The following SIPA1L3 variants were observed in gnomAD, a reference collection of about 807,000 sequenced individuals.
SIPA1L3 encodes the protein signal-induced proliferation-associated 1-like protein 3.
SIPA1L3 carries 59 observed loss-of-function variants against 150.1 expected under a neutral mutation model. That is an observed-to-expected ratio of 0.39 (90% confidence interval 0.32 to 0.49). The LOEUF (loss-of-function observed/expected upper bound fraction) is 0.49, where lower values mean the gene tolerates loss of function less well. SIPA1L3 is among the 20% of genes least tolerant of loss of function. The pLI, the probability that SIPA1L3 is intolerant of heterozygous loss-of-function variation, is 0.86. For missense variants in SIPA1L3, 2,211 were observed against 2,489.5 expected, an observed-to-expected ratio of 0.89 and a Z score of 2.38; for synonymous variants, 1,070 against 1,077.6, an observed-to-expected ratio of 0.99 and a Z score of 0.14.
chr19:37,992,349 A>G (rs1967528962), intron 1 of SIPA1L3, among the ~76,000 whole-genome samples: 1 of 152,214 alleles, frequency 6.6e-6, no homozygotes, highest in South Asian at 2.1e-4. Context: ...GAGGAACTGC[A>G]CAGATAATAT....
intron 16 of SIPA1L3, chr19:38,183,030 T>C (rs1972594571): frequency 2.8e-6 from 1 of 358,708 alleles, no homozygotes; most frequent in Admixed American, 4.7e-5. Flanking sequence ...GGAGAAGGCA[T>C]AGCAGCTGCA....
intron 1 of SIPA1L3, among the ~76,000 whole-genome samples, chr19:37,952,127 A>G (rs1485142015): frequency 6.6e-6 from 1 of 152,100 alleles, no homozygotes; most frequent in East Asian, 1.9e-4. Flanking sequence ...GGAGGTGCCA[A>G]GTTGTAGAGT....
intron 1 of SIPA1L3, chr19:37,964,255 A>C (rs2046883454): frequency 6.6e-6 from 1 of 152,054 alleles, no homozygotes; most frequent in Non-Finnish European, 1.5e-5. Context: ...ATTTTTTTAA[A>C]AATTAGGCAT....
At chr19:37,949,096 C>T (rs919653789) in intron 1 of SIPA1L3, among the ~76,000 whole-genome samples, 2 of 152,218 alleles carry the variant, frequency 1.3e-5, no homozygotes, top group African/African-American at 4.8e-5. Context: ...GAGATGCCTC[C>T]TGAGGCCTAG....
chr19:38,136,231 C>T (rs1869112039), intron 10 of SIPA1L3, among the ~76,000 whole-genome samples: 1 of 137,592 alleles, frequency 7.3e-6, no homozygotes, highest in South Asian at 2.4e-4. Flanking sequence ...AAAGTGGGAG[C>T]AGTGGTTGCT....
At chr19:37,908,147 C>T (rs1014607436) in intron 1 of SIPA1L3, among the ~76,000 whole-genome samples, 1 of 152,158 alleles carries the variant, frequency 6.6e-6, no homozygotes, top group African/African-American at 2.4e-5. Flanking sequence ...TCAGCGTTTT[C>T]CTAGTGGCCC....
chr19:37,941,109 C>A (rs1042588191), intron 1 of SIPA1L3, among the ~76,000 whole-genome samples: 2 of 147,786 alleles, frequency 1.4e-5, no homozygotes, highest in Admixed American at 1.4e-4. Context: ...CACACACACA[C>A]ACACACACAC....
At chr19:37,963,033 T>C (rs1215440221) in intron 1 of SIPA1L3, among the ~76,000 whole-genome samples, 1 of 152,250 alleles carries the variant, frequency 6.6e-6, no homozygotes, top group African/African-American at 2.4e-5. Context: ...TGGTTCAGCA[T>C]GGTTTAGTGG....
chr19:38,201,925 C>A lies in SIPA1L3; in HGVS notation c.5048C>A (p.Ala1683Glu), dbSNP rs1343418446. 2 of 1,613,976 alleles carry A rather than the reference C, an allele frequency of 1.2e-6. No homozygotes were observed. Among genetic ancestry groups the A allele is most frequent in the Admixed American group, 3.3e-5 (2 of 59,990 alleles). Reference sequence around the variant, plus strand: ...GCCCTGAGCCCGGACATCCCGCCTGCACACAGTCCTGTCCACAGCCACCTG... The same window carrying A: ...GCCCTGAGCCCGGACATCCCGCCTGAACACAGTCCTGTCCACAGCCACCTG... ...DPALSPDIPP[A>E]HSPVHSHLSL... Residue 1683 changes from alanine to glutamate, a missense_variant, in exon 20 of 22, where the codon GCA (alanine) becomes GAA (glutamate). Ala to Glu is a moderately radical substitution (Grantham distance 107). Coordinates refer to ENST00000222345, the MANE Select transcript of SIPA1L3 (RefSeq NM_015073.3).
chr19:37,977,736 G>A (rs963619746), intron 1 of SIPA1L3, among the ~76,000 whole-genome samples: 1 of 152,204 alleles, frequency 6.6e-6, no homozygotes, highest in African/African-American at 2.4e-5. Context: ...CTCAACAAAT[G>A]TTGGTTACTT....
chr19:38,071,609 A>T (rs182620291), intron 2 of SIPA1L3, among the ~76,000 whole-genome samples: 68 of 152,222 alleles, frequency 4.5e-4, no homozygotes, highest in Non-Finnish European at 7.9e-4. Flanking sequence ...TTAGAAAAGA[A>T]TTTTTTTAGA....
rs1969081328 is a variant in SIPA1L3 at position 38,047,234 on chromosome 19, G to GCACGCACA, written c.-311+18086_-311+18093dup. On this transcript the variant is annotated intron_variant, in intron 2 of 21. Coordinates refer to ENST00000222345, the MANE Select transcript of SIPA1L3 (RefSeq NM_015073.3). This position sits in a 1 kb window ranked among gnomAD's most constrained non-coding sequence, Gnocchi z 4.7. ...CCTGTTCTCCCCCGCCGACACACAC[G>GCACGCACA]CACGCACACACGCACGCACTCACAC... Among the ~76,000 whole-genome samples, 1 of 151,838 alleles carries GCACGCACA rather than the reference G, an allele frequency of 6.6e-6. No homozygotes were observed. Among genetic ancestry groups the GCACGCACA allele is most frequent in the South Asian group, 2.1e-4 (1 of 4,812 alleles).
intron 1 of SIPA1L3, among the ~76,000 whole-genome samples, chr19:37,985,002 G>A (rs914639538): frequency 3.9e-5 from 6 of 152,166 alleles, no homozygotes; most frequent in Admixed American, 2.6e-4. Flanking sequence ...AGTCCTTGCT[G>A]TCCTGGAGTA....
At chr19:37,931,162 T>C (rs2046550420) in intron 1 of SIPA1L3, among the ~76,000 whole-genome samples, 1 of 152,206 alleles carries the variant, frequency 6.6e-6, no homozygotes, top group Non-Finnish European at 1.5e-5. Context: ...CAGCATGTGA[T>C]AAGTGCAGCT....
rs540169334 is a variant in SIPA1L3 at position 37,987,452 on chromosome 19, T to C, written c.-378-41637T>C. ...TGTGAACCCTGACGCTGTTGACCTT[T>C]GGGGCTAGATCACTCTTTGATGTCA... is the stretch of plus-strand genomic sequence containing the variant. On this transcript the variant is annotated intron_variant, in intron 1 of 21. Coordinates refer to ENST00000222345, the MANE Select transcript of SIPA1L3 (RefSeq NM_015073.3). Among the ~76,000 whole-genome samples the C allele has an allele frequency of 3.3e-5, 5 of 152,308 alleles. No homozygotes were observed. The South Asian group carries it at 8.3e-4, about 25-fold the overall frequency.
Position 37,949,663 on chromosome 19 carries a change from C to T in SIPA1L3, c.-379+42305C>T, listed in dbSNP as rs1052912780. Among the ~76,000 whole-genome samples, 5 of 132,246 alleles carry T rather than the reference C, an allele frequency of 3.8e-5. No homozygotes were observed. The Admixed American group carries it at 3.8e-4, about 10-fold the overall frequency. The allele number at this position is 132,246 out of a possible 152,430, so 86.8% of individuals were successfully genotyped here. ...CTGGGAGACGAGAGAAACTCTGTCTCAAAAAAAAAAAAAGTTGGAGAGGGG... is the reference window on the plus strand; with the variant it reads ...CTGGGAGACGAGAGAAACTCTGTCTTAAAAAAAAAAAAAGTTGGAGAGGGG... On this transcript the variant is annotated intron_variant, in intron 1 of 21. Coordinates refer to ENST00000222345, the MANE Select transcript of SIPA1L3 (RefSeq NM_015073.3).
intron 1 of SIPA1L3, among the ~76,000 whole-genome samples, chr19:37,950,076 CAAAAAA>C (rs35506284): frequency 0.019 from 1,059 of 55,700 alleles, 24 homozygotes; most frequent in African/African-American, 0.062. Context: ...GACTGTGTCT[CAAAAAA>C]AAAAAAAAAA....
rs769855141 is a variant in SIPA1L3, at chr19:38,082,317, T to G, written c.752T>G (p.Met251Arg). ...CGGGCAGATCCTGGCCCACACCTCA[T>G]GGGGGGCGGCGGCGGAGCCAAGGGG... ...LLRADPGPHL[M>R]GGGGGAKGDS... The change falls in exon 3 of 22, where the codon ATG becomes AGG. Residue 251 changes from methionine (M) to arginine (R), a missense_variant. Physicochemically the swap from Met to Arg is moderately conservative, Grantham distance 91. Around this residue, in one of 5 missense-constraint regions of SIPA1L3, gnomAD observed 587 missense variants for 534.5 expected, o/e 1.10. Coordinates refer to ENST00000222345, the MANE Select transcript of SIPA1L3 (RefSeq NM_015073.3). 1 of 1,598,962 alleles carries G rather than the reference T, an allele frequency of 6.3e-7. No homozygotes were observed. The highest frequency in any genetic ancestry group is 8.5e-7 in the Non-Finnish European group (1 of 1,179,054).
intron 2 of SIPA1L3, among the ~76,000 whole-genome samples, chr19:38,055,242 C>T (rs552820206): frequency 6.6e-6 from 1 of 152,272 alleles, no homozygotes; most frequent in African/African-American, 2.4e-5. Flanking sequence ...GTCTCTTACA[C>T]ATGAGAAGAA....
Sources: gnomAD v4.1 joint callset for allele counts (sites outside exome capture counted in the v4.1 genomes callset) on GRCh38, gnomAD v4.1.1 for gene constraint, gnomAD v4.1.1 regional missense constraint, Gnocchi (gnomAD v3.1) non-coding constraint, MANE v1.5 for transcripts, NCBI Gene and HGNC (gene_info 2026-07-23, HGNC 2026-07-21) for gene names.